The following CNR2 variants were observed in gnomAD, a reference collection of about 807,000 sequenced individuals.
CNR2 encodes cannabinoid receptor 2 (macrophage).
For synonymous variants in CNR2, 172 were observed against 182.2 expected (o/e 0.94, Z 0.45); for missense variants, 379 against 439.9 (o/e 0.86, Z 1.24).
At chr1:23,908,091 C>T (rs1640526320) in intron 1 of CNR2, among the ~76,000 whole-genome samples, 1 of 147,012 alleles carries the variant, frequency 6.8e-6, no homozygotes, top group Admixed American at 7.0e-5. Flanking sequence ...AGCAATTCTC[C>T]TGCCTCAGCC....
chr1:23,894,647 AT>A (rs1212120842), intron 1 of CNR2, among the ~76,000 whole-genome samples: 2 of 146,396 alleles, frequency 1.4e-5, no homozygotes, highest in Non-Finnish European at 3.0e-5. Context: ...ATTATAAATA[AT>A]AATAATAAAA....
chr1:23,874,908 A>G lies in CNR2; in HGVS notation c.710T>C (p.Met237Thr). 6.2e-7 allele frequency: 1 copy of G among 1,613,914 alleles called. No homozygotes were observed. The highest frequency in any genetic ancestry group is 1.1e-5 in the South Asian group (1 of 91,048). ...CTTGGCCAACCTCACATCCAGCCTC[A>G]TTCGGGCCATTCCTGGCACCTGCCT... ...QDRQVPGMAR[M>T]RLDVRLAKTL... The change falls in exon 2 of 2, where the codon ATG becomes ACG. Residue 237 changes from methionine to threonine, a missense_variant. Physicochemically the swap from Met to Thr is moderately conservative, Grantham distance 81. Transcript: ENST00000374472.
At chr1:23,885,269 A>T (rs199859124) in intron 1 of CNR2, among the ~76,000 whole-genome samples, 22,050 of 144,298 alleles carry the variant, frequency 0.15, 1,679 homozygotes, top group East Asian at 0.34. Flanking sequence ...CCATCTCCTT[A>T]AAAAAAAAAA....
At position 23,909,074 on chromosome 1, in the gene CNR2, C is replaced by G. The variant is rs1297082278; in HGVS notation, c.-46+4172G>C. Among the ~76,000 whole-genome samples, 5 of 151,988 alleles carry G rather than the reference C, an allele frequency of 3.3e-5. No homozygotes were observed. In the East Asian group the frequency reaches 9.7e-4, roughly 29 times the overall value. Reference sequence around the variant, plus strand: ...TCACCGGACACCGAACCACGAAGTCCCCTCTGCTCATGGGCTCACCCACAT... The same window carrying G: ...TCACCGGACACCGAACCACGAAGTCGCCTCTGCTCATGGGCTCACCCACAT... On this transcript the variant is annotated intron_variant, in intron 1 of 1. Coordinates refer to ENST00000374472, the MANE Select transcript of CNR2 (RefSeq NM_001841.3).
chr1:23,898,341 T>TCA (rs1557531630), intron 1 of CNR2, among the ~76,000 whole-genome samples: 2 of 6,536 alleles, frequency 3.1e-4, no homozygotes, highest in African/African-American at 3.6e-4. Context: ...CCGGCTTTTT[T>TCA]TTTTTTTTTT....
rs541088933 is a variant in CNR2 at position 23,874,603 on chromosome 1, C to T, written c.1015G>A (p.Glu339Lys). Residue 339 changes from glutamate to lysine, a missense_variant, in exon 2 of 2, where the codon GAG becomes AAG. Glu to Lys is a moderately conservative substitution (Grantham distance 56). Transcript: ENST00000374472. ...KEEAPRSSVTETEADGKITPW... is the reference protein window; with the variant it reads ...KEEAPRSSVTKTEADGKITPW... ...GTGATTTTCCCATCAGCCTCTGTCT[C>T]GGTGACTGAGGATCTCGGGGCTTCT... is the stretch of plus-strand genomic sequence containing the variant. 58 of 1,614,112 alleles carry T rather than the reference C, an allele frequency of 3.6e-5. No individual in the cohort carries two copies. Among genetic ancestry groups the T allele is most frequent in the Non-Finnish European group, 4.5e-5 (53 of 1,180,016 alleles).
In CNR2 at chr1:23,875,170, C is replaced by A; in HGVS notation, c.448G>T (p.Ala150Ser). The change falls in exon 2 of 2, where the codon GCA becomes TCA. Residue 150 changes from alanine to serine, a missense_variant. By Grantham distance (99) the Ala-to-Ser change is moderately conservative. Coordinates refer to ENST00000374472, the MANE Select transcript of CNR2 (RefSeq NM_001841.3). ...CACATGATGCCCAGGGTCACCAGTG[C>A]CCTTCCACGGGTGAGCAGAGCTTTG... is the stretch of plus-strand genomic sequence containing the variant. ...SYKALLTRGR[A>S]LVTLGIMWVL... The A allele has an allele frequency of 6.2e-7, 1 of 1,613,942 alleles. No homozygotes were observed. The highest frequency in any genetic ancestry group is 8.5e-7 in the Non-Finnish European group (1 of 1,179,926).
At chr1:23,878,701 C>T (rs1391609313) in intron 1 of CNR2, among the ~76,000 whole-genome samples, 1 of 152,136 alleles carries the variant, frequency 6.6e-6, no homozygotes, top group Non-Finnish European at 1.5e-5. Context: ...TTTAAAAACA[C>T]ATTCCATGTT....
chr1:23,887,250 T>C (rs1337718080), intron 1 of CNR2, among the ~76,000 whole-genome samples: 1 of 152,132 alleles, frequency 6.6e-6, no homozygotes, highest in Non-Finnish European at 1.5e-5. Flanking sequence ...ACATCCCCAC[T>C]TGGCTACTTC....
chr1:23,871,317 T>C lies in CNR2; in HGVS notation c.*3218A>G, dbSNP rs1639762490. ...TTGTTTGTGCCAGGCACTTGGGCAT[T>C]TTCTTTGCCAAAATGAGAAAGGATT... On this transcript the variant is annotated 3_prime_UTR_variant, in exon 2 of 2. Coordinates refer to ENST00000374472, the MANE Select transcript of CNR2 (RefSeq NM_001841.3). 6.6e-6 allele frequency: 1 copy of C among 152,132 alleles called. No homozygotes were observed. The highest frequency in any genetic ancestry group is 1.5e-5 in the Non-Finnish European group (1 of 68,018). 9.4% of individuals were successfully genotyped at this position (152,132 alleles called of 1,614,324 possible).
chr1:23,882,776 T>C (rs1168531757), intron 1 of CNR2, among the ~76,000 whole-genome samples: 1 of 151,926 alleles, frequency 6.6e-6, no homozygotes, highest in African/African-American at 2.4e-5. Flanking sequence ...ACCAAGATTG[T>C]GCCACTGCAC....
chr1:23,873,957 G>A lies in CNR2; in HGVS notation c.*578C>T, dbSNP rs1256469546. Reference sequence around the variant, plus strand: ...AGAGAGGGTCCTCGCCCAAACAACAGGATGCCCCAAACTGAAGGCTTGTCA... The same window carrying A: ...AGAGAGGGTCCTCGCCCAAACAACAAGATGCCCCAAACTGAAGGCTTGTCA... On this transcript the variant is annotated 3_prime_UTR_variant, in exon 2 of 2. Transcript: ENST00000374472. 6.5e-6 allele frequency: 1 copy of A among 153,000 alleles called. No individual in the cohort carries two copies. The highest frequency in any genetic ancestry group is 2.4e-5 in the African/African-American group (1 of 41,448). 9.5% of individuals were successfully genotyped at this position (153,000 alleles called of 1,614,324 possible). A position where few individuals can be genotyped will look rare whatever the true frequency, so the allele number is the denominator to read the frequency against.
intron 1 of CNR2, among the ~76,000 whole-genome samples, chr1:23,875,943 C>G (rs931820732): frequency 2.0e-5 from 3 of 152,012 alleles, no homozygotes; most frequent in Admixed American, 1.3e-4. Flanking sequence ...CTAAGACTTC[C>G]TTTTGAAGCA....
intron 1 of CNR2, among the ~76,000 whole-genome samples, chr1:23,890,881 CT>C (rs1235444917): frequency 1.9e-3 from 15 of 7,790 alleles, no homozygotes; most frequent in African/African-American, 2.7e-3. Flanking sequence ...TCTTCTTCTT[CT>C]TTTTTTTTTT....
At chr1:23,886,748 T>C (rs1162895407) in intron 1 of CNR2, among the ~76,000 whole-genome samples, 1 of 152,180 alleles carries the variant, frequency 6.6e-6, no homozygotes, top group Non-Finnish European at 1.5e-5. Context: ...AGAATGGGGA[T>C]ATAATTTGCC....
intron 1 of CNR2, among the ~76,000 whole-genome samples, chr1:23,882,489 T>C (rs1032878448): frequency 6.6e-6 from 1 of 152,102 alleles, no homozygotes; most frequent in Non-Finnish European, 1.5e-5. Context: ...CTGAGTCGTA[T>C]GCAAAGGGAA....
In CNR2 at chr1:23,875,227, G is replaced by A. The variant is rs150233022; in HGVS notation, c.391C>T (p.Arg131Ter). ...GGTGGATAGCGCAGGCAGAGGTATCGGTCAATGGCGGTCAGCAGGAGGCTA... is the reference window on the plus strand; with the variant it reads ...GGTGGATAGCGCAGGCAGAGGTATCAGTCAATGGCGGTCAGCAGGAGGCTA... ...VGSLLLTAID[R>*]YLCLRYPPSY... The change falls in exon 2 of 2, where the codon CGA (arginine) becomes TGA (stop). Residue 131 changes from arginine to a stop codon, truncating the protein, a stop_gained. Transcript: ENST00000374472. LOFTEE classifies it high-confidence loss of function. 108 of 1,614,178 alleles carry A rather than the reference G, an allele frequency of 6.7e-5. 1 individual carries two copies. The East Asian group carries it at 1.2e-3, about 19-fold the overall frequency.
intron 1 of CNR2, among the ~76,000 whole-genome samples, chr1:23,878,006 G>A (rs1639918137): frequency 6.6e-6 from 1 of 151,656 alleles, no homozygotes; most frequent in Non-Finnish European, 1.5e-5. Context: ...TTCTCACAAT[G>A]CAGAACAAAG....
intron 1 of CNR2, among the ~76,000 whole-genome samples, chr1:23,882,593 G>A (rs920156375): frequency 2.2e-4 from 32 of 146,372 alleles, no homozygotes; most frequent in Admixed American, 1.4e-3. Flanking sequence ...ATCACCTGAG[G>A]TCAGGAGTTT....
Sources: gnomAD v4.1 joint callset for allele counts (sites outside exome capture counted in the v4.1 genomes callset) on GRCh38, gnomAD v4.1.1 for gene constraint, MANE v1.5 for transcripts, NCBI Gene and HGNC (gene_info 2026-07-23, HGNC 2026-07-21) for gene names.